Variants in TAS2R1 observed in about 807,000 individuals in gnomAD.
TAS2R1 encodes taste 2 receptor member 1.
For synonymous variants in TAS2R1, 141 were observed against 134.2 expected (o/e 1.05, Z -0.35); for missense variants, 370 against 353.4 (o/e 1.05, Z -0.38).
chr5:9,633,294 TTATATATATATA>T (rs200096603), upstream of TAS2R1, among the ~76,000 whole-genome samples: 7 of 67,824 alleles, frequency 1.0e-4, no homozygotes, highest in African/African-American at 3.6e-4. Context: ...TGTGTGTATA[TTATATATATATA>T]TATATATATA....
chr5:9,647,479 A>G (rs768673730), intron 2 of TAS2R1, among the ~76,000 whole-genome samples: 6 of 152,120 alleles, frequency 3.9e-5, no homozygotes, highest in Non-Finnish European at 7.4e-5. Context: ...GAATCTCACC[A>G]CAGTTGACTG....
At chr5:9,752,558 T>TG in the TAS2R1 span, among the ~76,000 whole-genome samples, 1 of 152,032 alleles carries the variant, frequency 6.6e-6, no homozygotes, top group Non-Finnish European at 1.5e-5. Flanking sequence ...AATATATCAT[T>TG]TTTTTTATAC....
At chr5:9,850,529 G>T in the TAS2R1 span, among the ~76,000 whole-genome samples, 7,404 of 152,270 alleles carry the variant, frequency 0.049, 582 homozygotes, top group African/African-American at 0.17. Flanking sequence ...TGCAGATGTT[G>T]CCCATTGTAG....
intron 1 of TAS2R1, among the ~76,000 whole-genome samples, chr5:9,664,161 C>T (rs1248831866): frequency 1.3e-5 from 2 of 152,132 alleles, no homozygotes; most frequent in Non-Finnish European, 2.9e-5. Flanking sequence ...GGCTGGCTTT[C>T]CCTTCCACCT....
the TAS2R1 span, among the ~76,000 whole-genome samples, chr5:9,782,243 G>A: frequency 2.7e-4 from 41 of 152,350 alleles, 1 homozygote; most frequent in East Asian, 6.2e-3. Flanking sequence ...AGATGAAAGA[G>A]AGGCCAATTC....
At chr5:9,765,067 C>T in the TAS2R1 span, among the ~76,000 whole-genome samples, 1 of 151,994 alleles carries the variant, frequency 6.6e-6, no homozygotes, top group Non-Finnish European at 1.5e-5. Context: ...CACATATATA[C>T]ACACACACAA....
At chr5:9,718,363 T>C in the TAS2R1 span, among the ~76,000 whole-genome samples, 1 of 152,210 alleles carries the variant, frequency 6.6e-6, no homozygotes, top group Non-Finnish European at 1.5e-5. Flanking sequence ...CAAGGCACTT[T>C]GCAAAATCAA....
the TAS2R1 span, among the ~76,000 whole-genome samples, chr5:9,842,478 G>T: frequency 6.6e-6 from 1 of 151,732 alleles, no homozygotes; most frequent in East Asian, 1.9e-4. Flanking sequence ...CCACCACCAC[G>T]GCCGGCTAAT....
chr5:9,872,256 C>A, the TAS2R1 span, among the ~76,000 whole-genome samples: 1 of 152,168 alleles, frequency 6.6e-6, no homozygotes. Context: ...ATAGACATAG[C>A]AATGCAATTC....
At chr5:9,880,273 G>C in the TAS2R1 span, among the ~76,000 whole-genome samples, 4 of 152,226 alleles carry the variant, frequency 2.6e-5, no homozygotes, top group Non-Finnish European at 5.9e-5. Flanking sequence ...TGGAGAGTGA[G>C]GCTCTCACAC....
chr5:9,651,878 C>A lies in TAS2R1; in HGVS notation c.-81+7543G>T, dbSNP rs1045436897. On this transcript the variant is annotated intron_variant, in intron 2 of 2. Coordinates refer to the TAS2R1 transcript ENST00000506620. ...AGTCATCTTCAGCCCACCAACAAGC[C>A]CTGAGCGGCTGGGCGTCCATCTCCC... is the stretch of plus-strand genomic sequence containing the variant. Among the ~76,000 whole-genome samples the A allele has an allele frequency of 2.0e-5, 3 of 152,262 alleles. No homozygotes were observed. In the South Asian group the frequency reaches 6.2e-4, roughly 32 times the overall value.
chr5:9,828,238 G>T, the TAS2R1 span, among the ~76,000 whole-genome samples: 1 of 152,042 alleles, frequency 6.6e-6, no homozygotes, highest in East Asian at 1.9e-4. Flanking sequence ...CAATTCTCCT[G>T]CCTCGGCCTC....
At chr5:9,689,711 T>A (rs962771222) in intron 1 of TAS2R1, among the ~76,000 whole-genome samples, 8 of 152,248 alleles carry the variant, frequency 5.3e-5, no homozygotes, top group South Asian at 2.1e-4. Context: ...TTAAAAAAAA[T>A]TTCTGTCTAT....
the TAS2R1 span, among the ~76,000 whole-genome samples, chr5:9,752,579 AG>A: frequency 7.2e-5 from 11 of 152,094 alleles, no homozygotes; most frequent in African/African-American, 2.4e-4. Flanking sequence ...TTTAAGTTTT[AG>A]GGTACATGTG....
At chr5:9,842,133 T>C in the TAS2R1 span, among the ~76,000 whole-genome samples, 1 of 152,028 alleles carries the variant, frequency 6.6e-6, no homozygotes, top group Non-Finnish European at 1.5e-5. Flanking sequence ...CCTTCATCAC[T>C]TGTAGATCTG....
At chr5:9,635,852 G>A (rs1739953996) in intron 2 of TAS2R1, among the ~76,000 whole-genome samples, 2 of 151,820 alleles carry the variant, frequency 1.3e-5, no homozygotes, top group Non-Finnish European at 2.9e-5. Flanking sequence ...TCTCACTAAT[G>A]GTCTATCAAT....
chr5:9,890,683 A>C, the TAS2R1 span, among the ~76,000 whole-genome samples: 1 of 152,238 alleles, frequency 6.6e-6, no homozygotes, highest in Non-Finnish European at 1.5e-5. Context: ...GTAAGTGTCC[A>C]TGTAAACTAA....
chr5:9,688,487 G>A (rs963296709), intron 1 of TAS2R1, among the ~76,000 whole-genome samples: 1 of 152,220 alleles, frequency 6.6e-6, no homozygotes, highest in Non-Finnish European at 1.5e-5. Context: ...CTGTCTGGGT[G>A]AGACAGCCCC....
chr5:9,733,309 G>T, the TAS2R1 span, among the ~76,000 whole-genome samples: 1 of 152,192 alleles, frequency 6.6e-6, no homozygotes, highest in Non-Finnish European at 1.5e-5. Context: ...GGCTGCCTTT[G>T]TGTAACAGCC....
Sources: gnomAD v4.1 joint callset for allele counts (sites outside exome capture counted in the v4.1 genomes callset) on GRCh38, gnomAD v4.1.1 for gene constraint, MANE v1.5 for transcripts, NCBI Gene and HGNC (gene_info 2026-07-23, HGNC 2026-07-21) for gene names.